Variants in CEP162 observed in about 807,000 individuals in gnomAD.
The protein encoded by CEP162 is centrosomal protein 162.
In CEP162, 141 loss-of-function variants were observed where a neutral mutation model predicts 169.2. The ratio of observed to expected loss-of-function variants is 0.83; its 90% CI spans 0.73 to 0.96. CEP162 has a LOEUF of 0.96. CEP162 is among the 40% of genes least tolerant of loss of function. The pLI is 0.00. For missense variants in CEP162, 1,600 were observed against 1,587.2 expected, an observed-to-expected ratio of 1.01 and a Z score of -0.14; for synonymous variants, 540 against 526.4, an observed-to-expected ratio of 1.03 and a Z score of -0.35.
intron 6 of CEP162, among the ~76,000 whole-genome samples, 196 bp downstream of exon 6, chr6:84,212,761 C>A (rs1179034891): frequency 1.3e-5 from 2 of 152,026 alleles, no homozygotes; most frequent in African/African-American, 4.8e-5. Context: ...TATATGCAGT[C>A]TATGAAAAAA....
At chr6:84,201,708 A>G in intron 8 of CEP162, 29 bp downstream of exon 8, 1 of 1,184,856 alleles carries the variant, frequency 8.4e-7, no homozygotes, top group Non-Finnish European at 1.2e-6. Context: ...TTTTTTGCCA[A>G]CTAAAACATG....
intron 18 of CEP162, among the ~76,000 whole-genome samples, chr6:84,165,975 A>G (rs2099527653): frequency 6.6e-6 from 1 of 152,178 alleles, no homozygotes; most frequent in South Asian, 2.1e-4. Flanking sequence ...AGTTCAATCA[A>G]TTTAGAAAAG....
rs2099508151 is a variant in CEP162, at chr6:84,124,504, T to TTA, written c.*564_*565dup. 2.0e-5 allele frequency: 3 copies of TTA among 153,002 alleles called. No individual in the cohort carries two copies. The Admixed American group carries it at 2.0e-4, about 10-fold the overall frequency. The allele number at this position is 153,002 out of a possible 1,614,324, so 9.5% of individuals were successfully genotyped here. ...AATAAAATATTGCATATATTCTCAC[T>TTA]TAAAAGTAGGAGCTAAACAATGGGT... On this transcript the variant is annotated 3_prime_UTR_variant, in exon 27 of 27. Transcript: ENST00000403245.
chr6:84,213,380 A>T (rs1385217091), intron 5 of CEP162, among the ~76,000 whole-genome samples: 1 of 152,216 alleles, frequency 6.6e-6, no homozygotes, highest in African/African-American at 2.4e-5. Flanking sequence ...TATGAGAACC[A>T]GTGAAGTCCA....
chr6:84,176,504 C>A (rs149497659), intron 13 of CEP162, among the ~76,000 whole-genome samples: 1 of 152,254 alleles, frequency 6.6e-6, no homozygotes, highest in East Asian at 1.9e-4. Flanking sequence ...GATCTGCTAG[C>A]ACATGATTCT....
chr6:84,141,898 A>G (rs1355743938), intron 25 of CEP162, among the ~76,000 whole-genome samples: 1 of 152,136 alleles, frequency 6.6e-6, no homozygotes, highest in African/African-American at 2.4e-5. Flanking sequence ...AAAACTTAAA[A>G]AAAAATACCC....
chr6:84,223,207 TAAAAC>T (rs1562102187), intron 2 of CEP162, among the ~76,000 whole-genome samples: 1 of 152,116 alleles, frequency 6.6e-6, no homozygotes. Context: ...TCATTAAAAA[TAAAAC>T]AAAACAGGCC....
chr6:84,161,941 G>A (rs1423770051), intron 19 of CEP162, 32 bp from the exon 20 acceptor site: 3 of 1,306,910 alleles, frequency 2.3e-6, no homozygotes, highest in Non-Finnish European at 1.1e-6. Flanking sequence ...TAACCTGCTT[G>A]TTGTTCTCCA....
intron 6 of CEP162, among the ~76,000 whole-genome samples, chr6:84,204,922 A>G (rs1412892852): frequency 6.6e-6 from 1 of 152,176 alleles, no homozygotes; most frequent in East Asian, 1.9e-4. Flanking sequence ...AATACAAACC[A>G]CCATCGGAGA....
intron 13 of CEP162, among the ~76,000 whole-genome samples, chr6:84,178,058 G>A (rs2099533117): frequency 6.6e-6 from 1 of 152,182 alleles, no homozygotes; most frequent in African/African-American, 2.4e-5. Context: ...TCTAGGAAAA[G>A]TCAGTATGTG....
chr6:84,189,760 C>T (rs1013535697), intron 11 of CEP162, among the ~76,000 whole-genome samples: 14 of 152,336 alleles, frequency 9.2e-5, no homozygotes, highest in Middle Eastern at 3.4e-3. Context: ...TGCGAGCACA[C>T]GGCGCAGGAC....
chr6:84,154,482 G>A (rs1260346848), intron 22 of CEP162, among the ~76,000 whole-genome samples: 1 of 151,940 alleles, frequency 6.6e-6, no homozygotes, highest in Non-Finnish European at 1.5e-5. Context: ...TGTATTTCCA[G>A]GTTATCAACC....
At chr6:84,135,844 C>A (rs1281453234) in intron 25 of CEP162, among the ~76,000 whole-genome samples, 6 of 152,148 alleles carry the variant, frequency 3.9e-5, no homozygotes, top group Non-Finnish European at 8.8e-5. Context: ...GCCTGGGCGA[C>A]AACAGTAAGA....
At chr6:84,222,959 T>C (rs1042518998) in intron 2 of CEP162, among the ~76,000 whole-genome samples, 5 of 152,272 alleles carry the variant, frequency 3.3e-5, no homozygotes, top group Admixed American at 3.3e-4. Flanking sequence ...ATTAGTTAGC[T>C]GCATCACTTT....
intron 9 of CEP162, among the ~76,000 whole-genome samples, chr6:84,197,861 T>G (rs1248448023): frequency 2.0e-5 from 3 of 148,144 alleles, no homozygotes; most frequent in African/African-American, 7.4e-5. Flanking sequence ...AGTTGAGAAG[T>G]GCTAAATACT....
chr6:84,144,495 A>G (rs1479545959), intron 25 of CEP162, among the ~76,000 whole-genome samples: 2 of 152,102 alleles, frequency 1.3e-5, no homozygotes, highest in Non-Finnish European at 2.9e-5. Flanking sequence ...CAGATAGTTA[A>G]TTGTTTTACT....
intron 19 of CEP162, 139 bp from the exon 20 acceptor site, chr6:84,162,048 T>C (rs1407921042): frequency 1.6e-6 from 1 of 608,454 alleles, no homozygotes; most frequent in African/African-American, 1.9e-5. Context: ...AAACAACTGA[T>C]GTATACAACA....
chr6:84,190,921 T>G (rs1588841203), intron 11 of CEP162, among the ~76,000 whole-genome samples: 1 of 152,194 alleles, frequency 6.6e-6, no homozygotes, highest in East Asian at 1.9e-4. Flanking sequence ...GACCTCATGA[T>G]CCGCCTGCCT....
At chr6:84,202,577 G>C (rs1225621208) in intron 7 of CEP162, among the ~76,000 whole-genome samples, 2 of 136,768 alleles carry the variant, frequency 1.5e-5, no homozygotes, top group East Asian at 4.2e-4. Flanking sequence ...GCCCAGGCTG[G>C]AGTGCAGTGG....
Sources: gnomAD v4.1 joint callset for allele counts (sites outside exome capture counted in the v4.1 genomes callset) on GRCh38, gnomAD v4.1.1 for gene constraint, MANE v1.5 for transcripts, NCBI Gene and HGNC (gene_info 2026-07-23, HGNC 2026-07-21) for gene names.